Variants in DCC observed in about 807,000 individuals in gnomAD.
The protein encoded by DCC is DCC netrin 1 receptor.
A neutral mutation model predicts 172.5 loss-of-function variants in DCC; 58 were observed. The ratio of observed to expected loss-of-function variants is 0.34; its 90% confidence interval spans 0.27 to 0.42. The LOEUF (loss-of-function observed/expected upper bound fraction) is 0.42, where lower values mean the gene tolerates loss of function less well. Ranked by LOEUF, DCC falls within the 10% of genes least tolerant of loss-of-function variation. DCC has a pLI of 1.00. For missense variants in DCC, 1,740 were observed against 1,791.0 expected, an observed-to-expected ratio of 0.97 and a Z score of 0.51; for synonymous variants, 709 against 644.5, an observed-to-expected ratio of 1.10 and a Z score of -1.52.
At chr18:53,039,494 T>C (rs2042140383) in intron 5 of DCC, among the ~76,000 whole-genome samples, 1 of 151,954 alleles carries the variant, frequency 6.6e-6, no homozygotes, top group African/African-American at 2.4e-5. Context: ...GTTAAAAGGA[T>C]TGGAGAGGAG....
chr18:53,219,295 T>G (rs745880018), intron 12 of DCC, among the ~76,000 whole-genome samples: 1 of 152,178 alleles, frequency 6.6e-6, no homozygotes, highest in African/African-American at 2.4e-5. Context: ...TTCAAACATC[T>G]GTGCCTGTGT....
intron 12 of DCC, among the ~76,000 whole-genome samples, chr18:53,278,442 A>T (rs2056831697): frequency 1.3e-5 from 2 of 152,106 alleles, no homozygotes; most frequent in African/African-American, 4.8e-5. Context: ...ATGCATTATC[A>T]AGAATTATTA....
intron 12 of DCC, among the ~76,000 whole-genome samples, chr18:53,265,926 CTT>C: frequency 6.6e-6 from 1 of 152,292 alleles, no homozygotes; most frequent in East Asian, 1.9e-4. Flanking sequence ...CCAAGGATCT[CTT>C]TGGTTTACCC....
At chr18:53,449,456 G>GTTA (rs2045378177) in intron 22 of DCC, among the ~76,000 whole-genome samples, 1 of 152,202 alleles carries the variant, frequency 6.6e-6, no homozygotes, top group Non-Finnish European at 1.5e-5. Context: ...AAACATTTGT[G>GTTA]TTAGGACTTT....
chr18:52,767,389 G>T (rs566357928), intron 2 of DCC, among the ~76,000 whole-genome samples: 1 of 152,196 alleles, frequency 6.6e-6, no homozygotes, highest in South Asian at 2.1e-4. Context: ...TTCTAGGAAG[G>T]CATGTAAACT....
intron 1 of DCC, among the ~76,000 whole-genome samples, chr18:52,738,744 TG>T (rs1303401771): frequency 6.6e-6 from 1 of 151,164 alleles, no homozygotes; most frequent in Non-Finnish European, 1.5e-5. Flanking sequence ...TTTCTTTCTT[TG>T]TTTTTTTTTT....
intron 15 of DCC, among the ~76,000 whole-genome samples, chr18:53,341,572 C>T (rs1036881001): frequency 3.9e-5 from 6 of 152,174 alleles, no homozygotes; most frequent in South Asian, 2.1e-4. Flanking sequence ...TACATACACA[C>T]ATAGATAGGT....
intron 1 of DCC, among the ~76,000 whole-genome samples, chr18:52,640,904 C>G (rs1342154617): frequency 6.6e-6 from 1 of 151,632 alleles, no homozygotes. Context: ...GCCCACATAG[C>G]CAAAGCAACA....
chr18:53,264,234 A>G (rs1312280366), intron 12 of DCC, among the ~76,000 whole-genome samples: 1 of 152,164 alleles, frequency 6.6e-6, no homozygotes, highest in Non-Finnish European at 1.5e-5. Context: ...CATGCCTGTA[A>G]TCCCAGCACT....
At chr18:52,572,577 CTG>C (rs2144761235) in intron 1 of DCC, among the ~76,000 whole-genome samples, 1 of 152,282 alleles carries the variant, frequency 6.6e-6, no homozygotes, top group African/African-American at 2.4e-5. Context: ...AGGGCCGTGA[CTG>C]TATTGTTGCC....
Position 53,373,267 on chromosome 18 carries a change from C to T in DCC, c.2360-12776C>T, listed in dbSNP as rs985153074. Among the ~76,000 whole-genome samples the T allele has an allele frequency of 3.9e-5, 6 of 152,192 alleles. No homozygotes were observed. In the East Asian group the frequency reaches 9.6e-4, roughly 24 times the overall value. On this transcript the variant is annotated intron_variant, in intron 15 of 28. Transcript: ENST00000442544. ...TTCCTCATGTGGATAGTAATTTTTACCAAGAATTTTACTATGAATAGATCT... is the reference window on the plus strand; with the variant it reads ...TTCCTCATGTGGATAGTAATTTTTATCAAGAATTTTACTATGAATAGATCT...
chr18:52,766,535 G>C (rs182122533), intron 2 of DCC, among the ~76,000 whole-genome samples: 1 of 150,448 alleles, frequency 6.6e-6, no homozygotes, highest in Non-Finnish European at 1.5e-5. Context: ...CTCTCGGTGG[G>C]AAGAGAAGCT....
intron 17 of DCC, 67 bp from the exon 18 acceptor site, chr18:53,397,241 A>G (rs987474081): frequency 2.3e-5 from 33 of 1,445,100 alleles, no homozygotes; most frequent in African/African-American, 4.2e-5. Context: ...TAGTCTTTTT[A>G]TATGTCTTGA....
chr18:53,332,396 G>T (rs2057539123), intron 14 of DCC, among the ~76,000 whole-genome samples: 1 of 152,118 alleles, frequency 6.6e-6, no homozygotes, highest in Non-Finnish European at 1.5e-5. Context: ...ACAAAACAAT[G>T]TTGAACTGTA....
chr18:52,892,322 C>T (rs1023434326), intron 2 of DCC: 1 of 152,068 alleles, frequency 6.6e-6, no homozygotes, highest in Non-Finnish European at 1.5e-5. Flanking sequence ...ACCACACATA[C>T]CTGCAGCCAG....
intron 1 of DCC, chr18:52,409,342 C>T (rs1986765116): frequency 6.6e-6 from 1 of 152,112 alleles, no homozygotes; most frequent in African/African-American, 2.4e-5. Flanking sequence ...AGCCACAATT[C>T]ATCATAATAA....
chr18:53,056,378 A>G (rs1435249107), intron 5 of DCC, among the ~76,000 whole-genome samples: 8 of 152,094 alleles, frequency 5.3e-5, no homozygotes, highest in Admixed American at 5.2e-4. Flanking sequence ...TCGAGATGAG[A>G]TTTGGGTGGG....
intron 12 of DCC, among the ~76,000 whole-genome samples, chr18:53,300,567 TA>T (rs2057121249): frequency 6.6e-6 from 1 of 152,180 alleles, no homozygotes; most frequent in South Asian, 2.1e-4. Flanking sequence ...ACTGTCATAT[TA>T]AATAAGGTAT....
intron 12 of DCC, among the ~76,000 whole-genome samples, chr18:53,230,962 G>C (rs1239006138): frequency 6.6e-6 from 1 of 150,822 alleles, no homozygotes. Flanking sequence ...ATGTAGATTT[G>C]CCTATTATTT....
Sources: allele counts gnomAD v4.1 joint callset (sites outside exome capture counted in the v4.1 genomes callset), GRCh38; gene constraint gnomAD v4.1.1; transcripts MANE v1.5; gene names NCBI Gene and HGNC (gene_info 2026-07-23, HGNC 2026-07-21).